The following LYG2 variants were observed in gnomAD, a reference collection of about 807,000 sequenced individuals.
LYG2 encodes lysozyme g-like protein 2.
In LYG2, 25 loss-of-function variants were observed where a neutral mutation model predicts 22.4. The observed-to-expected ratio is 1.12, with a 90% CI of 0.81 to 1.56. LYG2 has a LOEUF of 1.56. Ranked by LOEUF, LYG2 falls within the 40% of genes most tolerant of loss-of-function variation. The pLI is 0.00. For synonymous variants in LYG2, 88 were observed against 97.0 expected (o/e 0.91, Z 0.55); for missense variants, 266 against 269.5 (o/e 0.99, Z 0.09).
At position 99,245,431 on chromosome 2, in the gene LYG2, T is replaced by G; in HGVS notation, c.212A>C (p.Glu71Ala). 1 of 1,609,824 alleles carries G rather than the reference T, an allele frequency of 6.2e-7. No individual in the cohort carries two copies. The highest frequency in any genetic ancestry group is 8.5e-7 in the Non-Finnish European group (1 of 1,177,924). Residue 71 changes from glutamate to alanine, a missense_variant, in exon 5 of 7, where the codon GAG becomes GCG. Transcript: ENST00000333017. ...CGIRGSEMFA[E>A]MDLRAIKPYQ... ...AGGTTTTATGGCCCTCAAATCCATC[T>G]CAGCAAACATTTCAGAACCACGGAT...
chr2:99,242,718 G>T (rs747095220), intron 6 of LYG2, among the ~76,000 whole-genome samples: 1 of 152,126 alleles, frequency 6.6e-6, no homozygotes, highest in Non-Finnish European at 1.5e-5. Context: ...GCAAAAATCA[G>T]ATTTGCTTTT....
chr2:99,246,397 G>C (rs961694035), intron 4 of LYG2, among the ~76,000 whole-genome samples: 5 of 152,104 alleles, frequency 3.3e-5, no homozygotes, highest in Non-Finnish European at 7.3e-5. Context: ...AGCAAACACA[G>C]CAGCACCACC....
chr2:99,245,632 ATTTAAAG>A (rs2094014770), intron 4 of LYG2, among the ~76,000 whole-genome samples, 174 bp from the exon 5 acceptor site: 1 of 151,602 alleles, frequency 6.6e-6, no homozygotes. Flanking sequence ...AAAAAAAAGA[ATTTAAAG>A]TTAAAAAAAG....
chr2:99,251,332 TAA>T (rs1431947116), intron 3 of LYG2, among the ~76,000 whole-genome samples: 4 of 152,220 alleles, frequency 2.6e-5, no homozygotes, highest in African/African-American at 9.6e-5. Context: ...TATATCCATA[TAA>T]GTCTATACCA....
chr2:99,260,305 TC>T (rs1310690295), upstream of LYG2, among the ~76,000 whole-genome samples: 3 of 152,204 alleles, frequency 2.0e-5, no homozygotes, highest in African/African-American at 7.2e-5. Context: ...GAGGTATAAT[TC>T]ACATATCATA....
Position 99,244,012 on chromosome 2 carries a change from A to T in LYG2, c.507T>A (p.Ala169=). ...IQKKFPTWSV[A]QHLKGGLSAF... is the part of the protein sequence containing the mutation. ...AATACAGCCTACCTTTGAGGTGCTG[A>T]GCAACACTCCACGTGGGGAATTTTT... Residue 169 remains alanine (A), a synonymous_variant, in exon 6 of 7, where the codon GCT becomes GCA. Coordinates refer to ENST00000333017, the MANE Select transcript of LYG2 (RefSeq NM_175735.4). The T allele has an allele frequency of 6.2e-7, 1 of 1,614,056 alleles. No homozygotes were observed. Among genetic ancestry groups the T allele is most frequent in the Non-Finnish European group, 8.5e-7 (1 of 1,179,996 alleles).
At chr2:99,243,518 A>ATAGATAGATAGG in intron 6 of LYG2, 1 of 1,518,602 alleles carries the variant, frequency 6.6e-7, no homozygotes, top group East Asian at 2.5e-5. Context: ...AGATAGATAG[A>ATAGATAGATAGG]TAGATAGATA....
intron 3 of LYG2, among the ~76,000 whole-genome samples, chr2:99,250,501 A>C (rs1317128834): frequency 6.7e-6 from 1 of 148,342 alleles, no homozygotes; most frequent in Non-Finnish European, 1.5e-5. Context: ...CAGCCTCCCC[A>C]GCAGCTGGGA....
intron 6 of LYG2, chr2:99,243,754 C>T (rs2094010771): frequency 2.5e-6 from 1 of 395,580 alleles, no homozygotes; most frequent in South Asian, 2.8e-5. Flanking sequence ...CAAGGTATCA[C>T]TCAATAGCTC....
chr2:99,243,205 A>C (rs2094009440), intron 6 of LYG2, among the ~76,000 whole-genome samples: 1 of 152,184 alleles, frequency 6.6e-6, no homozygotes, highest in Non-Finnish European at 1.5e-5. Context: ...AGAGAGCCTA[A>C]GAAAGCAATC....
intron 6 of LYG2, chr2:99,243,546 T>A (rs1409560504): frequency 2.5e-6 from 3 of 1,210,972 alleles, no homozygotes; most frequent in Non-Finnish European, 3.5e-6. Context: ...AGATAAATTT[T>A]TTTTTGAGAG....
chr2:99,245,166 TG>T, intron 5 of LYG2, 95 bp downstream of exon 5: 1 of 1,360,420 alleles, frequency 7.4e-7, no homozygotes. Flanking sequence ...CAGGGTATTT[TG>T]GGGCTTGGAA....
chr2:99,260,791 A>G, the LYG2 span, among the ~76,000 whole-genome samples: 1 of 152,244 alleles, frequency 6.6e-6, no homozygotes, highest in Non-Finnish European at 1.5e-5. Flanking sequence ...TGCCTCTTCC[A>G]TTGTAACAGA....
chr2:99,249,813 T>A (rs1047216893), intron 3 of LYG2, among the ~76,000 whole-genome samples: 2 of 151,148 alleles, frequency 1.3e-5, no homozygotes, highest in Admixed American at 1.3e-4. Flanking sequence ...CCACCTCTGC[T>A]TCTGCCATAG....
intron 6 of LYG2, chr2:99,243,491 CAGATAGATAGATAGATAGATAGAT>C (rs36096004): frequency 7.7e-6 from 10 of 1,302,534 alleles, no homozygotes; most frequent in South Asian, 4.0e-5. Context: ...GGTAGGCAAA[CAGATAGATAGATAGATAGATAGAT>C]AGATAGATAG....
chr2:99,252,863 A>G (rs998913730), intron 3 of LYG2, among the ~76,000 whole-genome samples: 9 of 151,966 alleles, frequency 5.9e-5, no homozygotes, highest in East Asian at 1.9e-4. Flanking sequence ...TGGGTAACAC[A>G]GTGAAACCCT....
At chr2:99,247,390 C>G (rs545547964) in intron 3 of LYG2, among the ~76,000 whole-genome samples, 8 of 151,716 alleles carry the variant, frequency 5.3e-5, no homozygotes, top group Admixed American at 3.9e-4. Context: ...ATACCATGCT[C>G]TATGTCAGAA....
chr2:99,246,636 C>T (rs745881675), intron 4 of LYG2, 44 bp downstream of exon 4: 12 of 1,589,534 alleles, frequency 7.5e-6, no homozygotes, highest in South Asian at 2.3e-5. Flanking sequence ...AATCTGAAAA[C>T]GATGAAAGGG....
At chr2:99,260,550 G>GT (rs2094045357), upstream of LYG2, among the ~76,000 whole-genome samples, 1 of 152,192 alleles carries the variant, frequency 6.6e-6, no homozygotes, top group Admixed American at 6.5e-5. Flanking sequence ...CTGCTCTATA[G>GT]TTGTTCACTA....
Sources: gnomAD v4.1 joint callset for allele counts (sites outside exome capture counted in the v4.1 genomes callset) on GRCh38, gnomAD v4.1.1 for gene constraint, MANE v1.5 for transcripts, NCBI Gene and HGNC (gene_info 2026-07-23, HGNC 2026-07-21) for gene names.